Variants in SLC13A2 observed in about 807,000 individuals in gnomAD.
The protein encoded by SLC13A2 is solute carrier family 13 member 2, also known as Na(+)-coupled citrate transporter.
Under a neutral mutation model 58.5 loss-of-function variants are expected in SLC13A2, and 40 were observed. The observed-to-expected ratio is 0.68, with a 90% CI of 0.53 to 0.89. The LOEUF (loss-of-function observed/expected upper bound fraction) is 0.89. SLC13A2 is among the 40% of genes least tolerant of loss of function. The pLI, the probability that SLC13A2 is intolerant of heterozygous loss-of-function variation, is 0.00. For missense variants in SLC13A2, 694 were observed against 772.6 expected, an observed-to-expected ratio of 0.90 and a Z score of 1.21; for synonymous variants, 341 against 331.6, an observed-to-expected ratio of 1.03 and a Z score of -0.31.
chr17:28,488,626 G>A (rs1555602457), intron 1 of SLC13A2, among the ~76,000 whole-genome samples: 1 of 152,172 alleles, frequency 6.6e-6, no homozygotes, highest in East Asian at 1.9e-4. Flanking sequence ...CACAACACAA[G>A]CATCTTGGGG....
intron 1 of SLC13A2, among the ~76,000 whole-genome samples, chr17:28,477,254 C>T (rs1220895170): frequency 7.3e-6 from 1 of 136,508 alleles, no homozygotes; most frequent in African/African-American, 2.8e-5. Flanking sequence ...AGTGCAGTGG[C>T]ACAATCTTGG....
At chr17:28,495,500 T>C (rs74356973) in intron 9 of SLC13A2, among the ~76,000 whole-genome samples, 155 bp from the exon 10 acceptor site, 28,093 of 152,180 alleles carry the variant, frequency 0.18, 2,764 homozygotes, top group Middle Eastern at 0.26. Flanking sequence ...GGGCACCCCT[T>C]GGTCTTAGCT....
At chr17:28,480,085 C>T (rs1555600778) in intron 1 of SLC13A2, among the ~76,000 whole-genome samples, 1 of 150,890 alleles carries the variant, frequency 6.6e-6, no homozygotes, top group African/African-American at 2.4e-5. Flanking sequence ...ACCCAGGAGG[C>T]AGAGACTGCA....
chr17:28,491,692 G>T (rs782219126), intron 5 of SLC13A2, 38 bp from the exon 6 acceptor site: 12 of 1,611,068 alleles, frequency 7.4e-6, no homozygotes, highest in African/African-American at 1.3e-5. Flanking sequence ...GGCAGTTCTC[G>T]GGGCAATGTC....
Position 28,494,617 on chromosome 17 carries a change from G to A in SLC13A2, c.1308+105G>A, listed in dbSNP as rs565736951. On this transcript the variant is annotated intron_variant, in intron 9 of 11. Transcript: ENST00000314669. This position sits in a 1 kb window ranked among gnomAD's most constrained non-coding sequence, Gnocchi z 4.0. ...CACAGAGGGGAGACCTGGTCCCCAC[G>A]TAGGAGCCTCTCGGGTAGGCAGAGC... is the stretch of plus-strand genomic sequence containing the variant. 1.7e-5 allele frequency: 26 copies of A among 1,511,942 alleles called. No individual in the cohort carries two copies. In the African/African-American group the frequency reaches 2.9e-4, roughly 17 times the overall value. 93.7% of individuals were successfully genotyped at this position (1,511,942 alleles called of 1,614,324 possible). A position where few individuals can be genotyped will look rare whatever the true frequency, so the allele number is the denominator to read the frequency against.
chr17:28,495,473 T>A (rs2069120732), intron 9 of SLC13A2, among the ~76,000 whole-genome samples, 182 bp from the exon 10 acceptor site: 1 of 152,164 alleles, frequency 6.6e-6, no homozygotes, highest in African/African-American at 2.4e-5. Flanking sequence ...ACCCAGCTGT[T>A]CTTCAAGAGC....
At chr17:28,481,895 G>A (rs543645144) in intron 1 of SLC13A2, among the ~76,000 whole-genome samples, 20 of 152,056 alleles carry the variant, frequency 1.3e-4, no homozygotes, top group African/African-American at 4.6e-4. Context: ...TCCTGGGCTC[G>A]AGCAATCCTC....
Position 28,493,804 on chromosome 17 carries a change from G to C in SLC13A2, c.1097+15G>C, listed in dbSNP as rs782423474. Reference sequence around the variant, plus strand: ...AAGGGGGAGAGGTGAGAGTTGCAGGGGTTGGGAGGAGGACACATCTGGGGC... The same window carrying C: ...AAGGGGGAGAGGTGAGAGTTGCAGGCGTTGGGAGGAGGACACATCTGGGGC... On this transcript the variant is annotated intron_variant, in intron 7 of 11. Coordinates refer to ENST00000314669, the MANE Select transcript of SLC13A2 (RefSeq NM_003984.4). 4 of 1,613,730 alleles carry C rather than the reference G, an allele frequency of 2.5e-6. No homozygotes were observed. In the African/African-American group the frequency reaches 5.3e-5, roughly 22 times the overall value.
chr17:28,496,988 C>G lies in SLC13A2; in HGVS notation c.1609-111C>G. 1 of 1,152,428 alleles carries G rather than the reference C, an allele frequency of 8.7e-7. No homozygotes were observed. The highest frequency in any genetic ancestry group is 1.3e-6 in the Non-Finnish European group (1 of 790,860). The allele number at this position is 1,152,428 out of a possible 1,614,324, so 71.4% of individuals were successfully genotyped here. ...CAGGTTAGACCAACGGGAGGACTTC[C>G]CAGAGAGAATTTTGCTGGTAGGAGG... On this transcript the variant is annotated intron_variant, in intron 11 of 11. Transcript: ENST00000314669. The surrounding 1 kb of genome is among the most constrained non-coding windows in gnomAD (Gnocchi z 4.2).
Position 28,494,204 on chromosome 17 carries a change from C to A in SLC13A2, c.1186+99C>A. 1 of 1,482,562 alleles carries A rather than the reference C, an allele frequency of 6.7e-7. No individual in the cohort carries two copies. Among genetic ancestry groups the A allele is most frequent in the Non-Finnish European group, 9.4e-7 (1 of 1,068,380 alleles). The allele number at this position is 1,482,562 out of a possible 1,614,324, so 91.8% of individuals were successfully genotyped here. On this transcript the variant is annotated intron_variant, in intron 8 of 11. Coordinates refer to ENST00000314669, the MANE Select transcript of SLC13A2 (RefSeq NM_003984.4). This position sits in a 1 kb window ranked among gnomAD's most constrained non-coding sequence, Gnocchi z 4.0. The stretch of plus-strand genomic sequence containing the variant: ...CACACTTGGCAGGAGTAGGCAAAGC[C>A]CAGAAAGGCTGGAGCGACTTGCCAA...
Position 28,477,442 on chromosome 17 carries a change from C to A in SLC13A2, c.102+3628C>A, listed in dbSNP as rs557577141. ...ATCTCCTGACCTCGTGATCCGCCCG[C>A]CTTGGCCTCCCAAAGTGCTGGGATT... On this transcript the variant is annotated intron_variant, in intron 1 of 11. Transcript: ENST00000314669. 3.2e-3 allele frequency among the ~76,000 whole-genome samples: 481 copies of A among 151,956 alleles called. 1 individual carries two copies. Among genetic ancestry groups the A allele is most frequent in the Non-Finnish European group, 5.5e-3 (374 of 68,000 alleles).
chr17:28,488,737 G>C (rs2068939967), intron 1 of SLC13A2, among the ~76,000 whole-genome samples: 1 of 152,238 alleles, frequency 6.6e-6, no homozygotes, highest in Non-Finnish European at 1.5e-5. Context: ...AACCGACTCT[G>C]TCTGATGGAG....
intron 9 of SLC13A2, 126 bp from the exon 10 acceptor site, chr17:28,495,529 A>C (rs1460023661): frequency 1.1e-6 from 1 of 931,258 alleles, no homozygotes; most frequent in African/African-American, 1.6e-5. Flanking sequence ...TCATCCCTTT[A>C]GAGCTGTCTT....
chr17:28,496,692 A>G lies in SLC13A2; in HGVS notation c.1608+105A>G. On this transcript the variant is annotated intron_variant, in intron 11 of 11. Transcript: ENST00000314669. This position sits in a 1 kb window ranked among gnomAD's most constrained non-coding sequence, Gnocchi z 4.2. ...AAAGCCACTGAGAGTCTCAGAGTTGAGCGGGTCCTCATCTGGAATGAAGGT... is the reference window on the plus strand; with the variant it reads ...AAAGCCACTGAGAGTCTCAGAGTTGGGCGGGTCCTCATCTGGAATGAAGGT... 1.4e-6 allele frequency: 2 copies of G among 1,462,842 alleles called. No individual in the cohort carries two copies. Among genetic ancestry groups the G allele is most frequent in the Non-Finnish European group, 9.2e-7 (1 of 1,087,350 alleles). The allele number at this position is 1,462,842 out of a possible 1,614,324, so 90.6% of individuals were successfully genotyped here.
At chr17:28,478,384 A>G (rs1463165887) in intron 1 of SLC13A2, among the ~76,000 whole-genome samples, 4 of 152,252 alleles carry the variant, frequency 2.6e-5, no homozygotes, top group Admixed American at 6.5e-5. Flanking sequence ...CAGATGTTCC[A>G]TTCTCAAGTT....
At chr17:28,473,912 T>C (rs1555599451) in intron 1 of SLC13A2, 98 bp downstream of exon 1, 3 of 951,020 alleles carry the variant, frequency 3.2e-6, no homozygotes, top group Non-Finnish European at 3.2e-6. Flanking sequence ...CATAACTTCC[T>C]CACTGCCCCT....
intron 4 of SLC13A2, 69 bp downstream of exon 4, chr17:28,490,975 T>C (rs906521943): frequency 1.4e-6 from 2 of 1,393,796 alleles, no homozygotes; most frequent in Middle Eastern, 1.9e-4. Context: ...GGTCTGTCCG[T>C]TTCGAGGGCT....
chr17:28,477,445 TG>T (rs2068704709), intron 1 of SLC13A2, among the ~76,000 whole-genome samples: 1 of 151,738 alleles, frequency 6.6e-6, no homozygotes, highest in Non-Finnish European at 1.5e-5. Context: ...CCGCCCGCCT[TG>T]GCCTCCCAAA....
chr17:28,497,293 C>T lies in SLC13A2; in HGVS notation c.*24C>T, dbSNP rs782641348. ...AGGCTGGGGCACAGCCTGGCCATGC[C>T]CAGGAAGACCCACCCCATTCCCACT... is the stretch of plus-strand genomic sequence containing the variant. On this transcript the variant is annotated 3_prime_UTR_variant, in exon 12 of 12. Coordinates refer to ENST00000314669, the MANE Select transcript of SLC13A2 (RefSeq NM_003984.4). The T allele has an allele frequency of 1.3e-6, 2 of 1,596,652 alleles. No homozygotes were observed. The highest frequency in any genetic ancestry group is 1.7e-6 in the Non-Finnish European group (2 of 1,168,790).
Sources: gnomAD v4.1 joint callset for allele counts (sites outside exome capture counted in the v4.1 genomes callset) on GRCh38, gnomAD v4.1.1 for gene constraint, Gnocchi (gnomAD v3.1) non-coding constraint, MANE v1.5 for transcripts, NCBI Gene and HGNC (gene_info 2026-07-23, HGNC 2026-07-21) for gene names.